The following GPR39 variants were observed in gnomAD, a reference collection of about 807,000 sequenced individuals.
GPR39 encodes the protein zinc sensing receptor.
Under a neutral mutation model 18.4 loss-of-function variants are expected in GPR39, and 23 were observed. The ratio of observed to expected loss-of-function variants is 1.25; its 90% CI spans 0.90 to 1.77. The LOEUF (loss-of-function observed/expected upper bound fraction) is 1.77. Among genes scored for constraint, GPR39 ranks in the 40% most tolerant of loss-of-function variants. The pLI is 0.00. For synonymous variants in GPR39, 280 were observed against 257.9 expected (o/e 1.09, Z -0.82); for missense variants, 647 against 602.4 (o/e 1.07, Z -0.78).
rs187824318 is a variant in GPR39, at chr2:132,500,288, A to G, written c.856+82390A>G. 3.3e-4 allele frequency among the ~76,000 whole-genome samples: 51 copies of G among 152,294 alleles called. 2 individuals carry two copies. Among genetic ancestry groups the G allele is most frequent in the African/African-American group, 1.1e-3 (45 of 41,556 alleles). On this transcript the variant is annotated intron_variant, in intron 1 of 1. Coordinates refer to ENST00000329321, the MANE Select transcript of GPR39 (RefSeq NM_001508.3). ...GCCGATTTTGCTGCAGGTTTTAATC[A>G]TAAAGGGATGCTGGATTTTGTCAAA...
chr2:132,531,554 CT>C (rs1679631443), intron 1 of GPR39, among the ~76,000 whole-genome samples: 1 of 152,208 alleles, frequency 6.6e-6, no homozygotes, highest in South Asian at 2.1e-4. Flanking sequence ...AATCTACATT[CT>C]TTTTAGCACC....
chr2:132,511,975 G>T (rs1256712576), intron 1 of GPR39, among the ~76,000 whole-genome samples: 4 of 152,146 alleles, frequency 2.6e-5, no homozygotes, highest in African/African-American at 9.7e-5. Flanking sequence ...GTTTGTCATT[G>T]TTCCTCACCC....
chr2:132,620,353 C>T (rs1048640132), intron 1 of GPR39, among the ~76,000 whole-genome samples: 12 of 152,078 alleles, frequency 7.9e-5, no homozygotes, highest in African/African-American at 2.7e-4. Flanking sequence ...GCCAGGATCT[C>T]GCAATATCTT....
At chr2:132,552,847 C>CACACATATATATATACATATATAT (rs1256380622) in intron 1 of GPR39, among the ~76,000 whole-genome samples, 3 of 141,762 alleles carry the variant, frequency 2.1e-5, no homozygotes. Flanking sequence ...TATATATATA[C>CACACATATATATATACATATATAT]ACACATATAT....
chr2:132,593,530 AG>A (rs1220196052), intron 1 of GPR39, among the ~76,000 whole-genome samples: 1 of 152,220 alleles, frequency 6.6e-6, no homozygotes, highest in African/African-American at 2.4e-5. Context: ...GTTAACTCCT[AG>A]GAGCTGAGGA....
At chr2:132,493,158 T>C (rs976737924) in intron 1 of GPR39, among the ~76,000 whole-genome samples, 17 of 140,538 alleles carry the variant, frequency 1.2e-4, no homozygotes, top group African/African-American at 2.7e-4. Flanking sequence ...TCCATATATA[T>C]ACCATATATA....
intron 1 of GPR39, among the ~76,000 whole-genome samples, chr2:132,608,766 A>G (rs1399339773): frequency 1.3e-5 from 2 of 152,184 alleles, no homozygotes; most frequent in African/African-American, 2.4e-5. Flanking sequence ...CTCACCTTTA[A>G]GTAGCCATTA....
Position 132,546,839 on chromosome 2 carries a change from C to CAAA in GPR39, c.857-98238_857-98236dup, listed in dbSNP as rs60267293. On this transcript the variant is annotated intron_variant, in intron 1 of 1. Transcript: ENST00000329321. ...TCTCCAGGATGCAGTAGCTCCACAGCAAAAAAAAAAAAAAAAAAAAAAAAA... is the reference window on the plus strand; with the variant it reads ...TCTCCAGGATGCAGTAGCTCCACAGCAAAAAAAAAAAAAAAAAAAAAAAAAAAA... Among the ~76,000 whole-genome samples, 48 of 33,968 alleles carry CAAA rather than the reference C, an allele frequency of 1.4e-3. 11 individuals are homozygous for CAAA. The highest frequency in any genetic ancestry group is 3.1e-3 in the African/African-American group (34 of 11,068). The allele number at this position is 33,968 out of a possible 152,430, so 22.3% of individuals were successfully genotyped here.
chr2:132,619,979 A>G (rs6760184), intron 1 of GPR39, among the ~76,000 whole-genome samples: 2,453 of 152,108 alleles, frequency 0.016, 68 homozygotes, highest in African/African-American at 0.056. Flanking sequence ...CACCTGCGCA[A>G]ATCTCTGCCC....
In GPR39 at chr2:132,416,854, G is replaced by C. The variant is rs79369600; in HGVS notation, c.-189G>C. ...CCAGGCGCCTCCTGGGCCTCTCCTAGGTTGGGCTGCTCCAGCAAGTTTCCA... is the reference window on the plus strand; with the variant it reads ...CCAGGCGCCTCCTGGGCCTCTCCTACGTTGGGCTGCTCCAGCAAGTTTCCA... On this transcript the variant is annotated 5_prime_UTR_variant, in exon 1 of 2. Coordinates refer to ENST00000329321, the MANE Select transcript of GPR39 (RefSeq NM_001508.3). 4.4e-4 allele frequency: 324 copies of C among 735,086 alleles called. 2 individuals are homozygous for C. In the East Asian group the frequency reaches 8.1e-3, roughly 18 times the overall value. The allele number at this position is 735,086 out of a possible 1,614,324, so 45.5% of individuals were successfully genotyped here.
At chr2:132,567,976 G>T (rs577674606) in intron 1 of GPR39, among the ~76,000 whole-genome samples, 1 of 152,206 alleles carries the variant, frequency 6.6e-6, no homozygotes, top group East Asian at 1.9e-4. Flanking sequence ...ATGTGGAACT[G>T]TAAGTCCAAG....
At chr2:132,625,585 G>C (rs1466760700) in intron 1 of GPR39, among the ~76,000 whole-genome samples, 1 of 152,134 alleles carries the variant, frequency 6.6e-6, no homozygotes, top group African/African-American at 2.4e-5. Flanking sequence ...GAACAGAAGG[G>C]GGGGAAATGC....
chr2:132,519,628 A>G (rs1029174050), intron 1 of GPR39, among the ~76,000 whole-genome samples: 7 of 152,116 alleles, frequency 4.6e-5, no homozygotes, highest in African/African-American at 1.7e-4. Context: ...CTTATACACT[A>G]ATGAAATGGG....
chr2:132,459,163 A>T (rs1680788414), intron 1 of GPR39, among the ~76,000 whole-genome samples: 1 of 152,058 alleles, frequency 6.6e-6, no homozygotes, highest in Middle Eastern at 3.2e-3. Context: ...CTCTCTATTT[A>T]CTTCATGTTT....
At position 132,520,514 on chromosome 2, in the gene GPR39, C is replaced by G. The variant is rs573595282; in HGVS notation, c.856+102616C>G. ...ATGAGGCATCACCTCTCATTCAGCT[C>G]CTGAGATCAGCCTGGGCACTCATTC... On this transcript the variant is annotated intron_variant, in intron 1 of 1. Coordinates refer to ENST00000329321, the MANE Select transcript of GPR39 (RefSeq NM_001508.3). 8.5e-5 allele frequency among the ~76,000 whole-genome samples: 13 copies of G among 152,286 alleles called. No homozygotes were observed. The South Asian group carries it at 2.7e-3, about 32-fold the overall frequency.
intron 1 of GPR39, among the ~76,000 whole-genome samples, chr2:132,633,641 G>A (rs1411826416): frequency 6.6e-6 from 1 of 152,186 alleles, no homozygotes; most frequent in East Asian, 1.9e-4. Flanking sequence ...CTTGGTGACA[G>A]TGATGATGGT....
intron 1 of GPR39, among the ~76,000 whole-genome samples, chr2:132,463,404 T>C (rs923789526): frequency 6.6e-6 from 1 of 151,764 alleles, no homozygotes; most frequent in African/African-American, 2.4e-5. Flanking sequence ...TCATTAAGAT[T>C]GTCTTCCTAA....
intron 1 of GPR39, among the ~76,000 whole-genome samples, chr2:132,624,389 C>A (rs12477996): frequency 0.14 from 21,373 of 152,200 alleles, 1,732 homozygotes; most frequent in Middle Eastern, 0.23. Flanking sequence ...GTTAGAGATG[C>A]AACATATGAT....
In GPR39 at chr2:132,545,260, A is replaced by C. The variant is rs572258234; in HGVS notation, c.857-99841A>C. Among the ~76,000 whole-genome samples, 7 of 152,334 alleles carry C rather than the reference A, an allele frequency of 4.6e-5. No homozygotes were observed. In the East Asian group the frequency reaches 1.2e-3, roughly 25 times the overall value. On this transcript the variant is annotated intron_variant, in intron 1 of 1. Transcript: ENST00000329321. ...CTGCTCTAGGTTCTACCTCAGAGTC[A>C]CTTGTTAAAGGGACAGATCTTCACT... is the stretch of plus-strand genomic sequence containing the variant.
Sources: allele counts gnomAD v4.1 joint callset (sites outside exome capture counted in the v4.1 genomes callset), GRCh38; gene constraint gnomAD v4.1.1; transcripts MANE v1.5; gene names NCBI Gene and HGNC (gene_info 2026-07-23, HGNC 2026-07-21).